The following PHLPP1 variants were observed in gnomAD, a reference collection of about 807,000 sequenced individuals.
The protein encoded by PHLPP1 is PH domain and leucine rich repeat protein phosphatase 1.
Under a neutral mutation model 117.2 loss-of-function variants are expected in PHLPP1, and 42 were observed. That is an observed-to-expected ratio of 0.36 (90% CI 0.28 to 0.46). The LOEUF (loss-of-function observed/expected upper bound fraction) is 0.46. Among genes scored for constraint, PHLPP1 ranks in the 20% least tolerant of loss-of-function variants. The pLI is 1.00. For missense variants in PHLPP1, 2,084 were observed against 2,241.9 expected (o/e 0.93, Z 1.42); for synonymous variants, 1,042 against 970.7 (o/e 1.07, Z -1.37).
chr18:62,822,173 C>A (rs1315598183), intron 1 of PHLPP1, among the ~76,000 whole-genome samples: 1 of 151,688 alleles, frequency 6.6e-6, no homozygotes, highest in African/African-American at 2.4e-5. Context: ...ACTCCAATAT[C>A]CCTTTCTGAT....
chr18:62,766,991 A>T (rs1200606977), intron 1 of PHLPP1, among the ~76,000 whole-genome samples: 1 of 152,210 alleles, frequency 6.6e-6, no homozygotes, highest in Admixed American at 6.5e-5. Flanking sequence ...GTTATTTTAT[A>T]ATTAACTGCC....
chr18:62,962,974 G>C (rs1339381004), intron 13 of PHLPP1, among the ~76,000 whole-genome samples: 1 of 152,138 alleles, frequency 6.6e-6, no homozygotes, highest in Non-Finnish European at 1.5e-5. Flanking sequence ...TTGTGGCTTA[G>C]GTGTTTTGTT....
intron 13 of PHLPP1, among the ~76,000 whole-genome samples, chr18:62,961,156 C>G (rs770265829): frequency 6.6e-6 from 1 of 152,014 alleles, no homozygotes; most frequent in African/African-American, 2.4e-5. Context: ...AATTGGCGGG[C>G]GAGGTGACGC....
chr18:62,970,518 A>T (rs510359), intron 14 of PHLPP1, among the ~76,000 whole-genome samples: 1 of 151,902 alleles, frequency 6.6e-6, no homozygotes. Flanking sequence ...TAATCCCAGC[A>T]CTTTGAGAGG....
At chr18:62,881,203 C>T (rs1013898535) in intron 4 of PHLPP1, among the ~76,000 whole-genome samples, 4 of 152,038 alleles carry the variant, frequency 2.6e-5, no homozygotes, top group African/African-American at 4.8e-5. Flanking sequence ...ATGATCACAC[C>T]ACTGCACTCT....
intron 15 of PHLPP1, among the ~76,000 whole-genome samples, chr18:62,974,155 A>G (rs1230647810): frequency 6.6e-6 from 1 of 152,174 alleles, no homozygotes; most frequent in Non-Finnish European, 1.5e-5. Flanking sequence ...ATTACTTGCT[A>G]TACTTTTTAC....
intron 3 of PHLPP1, among the ~76,000 whole-genome samples, chr18:62,853,359 T>C (rs1045808327): frequency 9.2e-5 from 14 of 151,964 alleles, no homozygotes; most frequent in Non-Finnish European, 1.9e-4. Flanking sequence ...TTTCTTTTTT[T>C]TTTTTGTTCT....
chr18:62,849,832 A>ATATATATATATATATATATATATATAT (rs747097979), intron 3 of PHLPP1, among the ~76,000 whole-genome samples: 2 of 33,084 alleles, frequency 6.0e-5, no homozygotes, highest in African/African-American at 1.2e-4. Flanking sequence ...AAAAAAAAAA[A>ATATATATATATATATATATATATATAT]ATATATATAT....
intron 1 of PHLPP1, among the ~76,000 whole-genome samples, chr18:62,723,661 G>A (rs989188089): frequency 2.0e-5 from 3 of 152,148 alleles, no homozygotes; most frequent in African/African-American, 7.2e-5. Flanking sequence ...GCAAGAGCTT[G>A]GCTGGTGTGT....
Position 62,764,623 on chromosome 18 carries a change from A to G in PHLPP1, c.1576+47364A>G, listed in dbSNP as rs568745032. On this transcript the variant is annotated intron_variant, in intron 1 of 16. Transcript: ENST00000262719. ...AAAAATTAGCTGGGCCTGGTGGCGC[A>G]TGCCTGTAAGCCCAGCTACTCGAGA... Among the ~76,000 whole-genome samples, 9 of 151,258 alleles carry G rather than the reference A, an allele frequency of 6.0e-5. 1 individual carries two copies. In the South Asian group the frequency reaches 1.9e-3, roughly 32 times the overall value.
chr18:62,716,829 C>G lies in PHLPP1; in HGVS notation c.1146C>G (p.Asp382Glu). 1 of 1,525,802 alleles carries G rather than the reference C, an allele frequency of 6.6e-7. No homozygotes were observed. The highest frequency in any genetic ancestry group is 1.7e-4 in the Middle Eastern group (1 of 5,948). 94.5% of individuals were successfully genotyped at this position (1,525,802 alleles called of 1,614,324 possible). A position where few individuals can be genotyped will look rare whatever the true frequency, so the allele number is the denominator to read the frequency against. ...SSSSSEELEA[D>E]AASAPTGVPG... The stretch of plus-strand genomic sequence containing the variant: ...CGTCGTCGGAAGAGCTCGAGGCCGA[C>G]GCAGCCTCGGCCCCGACGGGGGTCC... Residue 382 changes from aspartate to glutamate, a missense_variant, in exon 1 of 17, where the codon GAC (aspartate) becomes GAG (glutamate). Physicochemically the swap from Asp to Glu is conservative, Grantham distance 45. Around this residue, in one of 2 missense-constraint regions of PHLPP1, gnomAD observed 719 missense variants for 636.0 expected, o/e 1.13. Coordinates refer to ENST00000262719, the MANE Select transcript of PHLPP1 (RefSeq NM_194449.4). This position sits in a 1 kb window ranked among gnomAD's most constrained non-coding sequence, Gnocchi z 5.7.
rs1305199656 is a variant in PHLPP1, at chr18:62,970,634, G to A, written c.3561-1880G>A. Among the ~76,000 whole-genome samples, 8 of 152,112 alleles carry A rather than the reference G, an allele frequency of 5.3e-5. No homozygotes were observed. In the East Asian group the frequency reaches 5.8e-4, roughly 11 times the overall value. ...ACAAAAATTAGCTGGGCGTGGTGGC[G>A]GGTGCCTGTAATCCCAGCTACTCAG... On this transcript the variant is annotated intron_variant, in intron 14 of 16. Coordinates refer to ENST00000262719, the MANE Select transcript of PHLPP1 (RefSeq NM_194449.4).
rs143807470 is a variant in PHLPP1, at chr18:62,887,867, A to G, written c.2067-7144A>G. 9.3e-3 allele frequency among the ~76,000 whole-genome samples: 1,416 copies of G among 152,160 alleles called. 23 individuals carry two copies. The highest frequency in any genetic ancestry group is 0.033 in the African/African-American group (1,352 of 41,518). On this transcript the variant is annotated intron_variant, in intron 4 of 16. Transcript: ENST00000262719. ...GTCCTCCCACCTCAGCCTCCCAAGT[A>G]GCTGGGACCACAGGCACATACCACC...
At chr18:62,820,465 C>T (rs1432999665) in intron 1 of PHLPP1, among the ~76,000 whole-genome samples, 2 of 152,138 alleles carry the variant, frequency 1.3e-5, no homozygotes, top group Non-Finnish European at 2.9e-5. Flanking sequence ...GAATTGTAAT[C>T]CCCATAATAC....
chr18:62,764,517 C>G (rs1034404214), intron 1 of PHLPP1, among the ~76,000 whole-genome samples: 5 of 151,488 alleles, frequency 3.3e-5, no homozygotes, highest in Non-Finnish European at 5.9e-5. Flanking sequence ...CAAGGGAGGC[C>G]AAGGCAGGTG....
chr18:62,961,039 G>A (rs922189055), intron 13 of PHLPP1, among the ~76,000 whole-genome samples: 2 of 152,314 alleles, frequency 1.3e-5, no homozygotes, highest in South Asian at 4.1e-4. Flanking sequence ...GCTCACGCCT[G>A]TAATCCCAGC....
chr18:62,772,151 C>T (rs1237848082), intron 1 of PHLPP1, among the ~76,000 whole-genome samples: 1 of 152,182 alleles, frequency 6.6e-6, no homozygotes, highest in Admixed American at 6.5e-5. Flanking sequence ...TCTGAATTCT[C>T]AACTGTGTTC....
intron 6 of PHLPP1, among the ~76,000 whole-genome samples, chr18:62,899,242 G>A (rs1457658165): frequency 6.6e-6 from 1 of 152,208 alleles, no homozygotes; most frequent in Non-Finnish European, 1.5e-5. Flanking sequence ...TTTAAGCACT[G>A]TTTTTATTTA....
rs1192150299 is a variant in PHLPP1, at chr18:62,761,417, G to A, written c.1576+44158G>A. ...GGAGGCCGAGGCGGGCAGATCACGA[G>A]GTCATGAGATCGAGACCATCCTGGC... is the stretch of plus-strand genomic sequence containing the variant. On this transcript the variant is annotated intron_variant, in intron 1 of 16. Coordinates refer to ENST00000262719, the MANE Select transcript of PHLPP1 (RefSeq NM_194449.4). 6.6e-5 allele frequency among the ~76,000 whole-genome samples: 10 copies of A among 151,996 alleles called. No individual in the cohort carries two copies. In the East Asian group the frequency reaches 2.0e-3, roughly 30 times the overall value.
Sources: gnomAD v4.1 joint callset for allele counts (sites outside exome capture counted in the v4.1 genomes callset) on GRCh38, gnomAD v4.1.1 for gene constraint, gnomAD v4.1.1 regional missense constraint, Gnocchi (gnomAD v3.1) non-coding constraint, MANE v1.5 for transcripts, NCBI Gene and HGNC (gene_info 2026-07-23, HGNC 2026-07-21) for gene names.